Variants in VARS1 observed in about 807,000 individuals in gnomAD.
VARS1 encodes the protein valyl-tRNA synthetase 1, also known as valine--tRNA ligase.
In VARS1, 92 loss-of-function variants were observed where a neutral mutation model predicts 161.0. The ratio of observed to expected loss-of-function variants is 0.57; its 90% CI spans 0.48 to 0.68. VARS1 has a LOEUF of 0.68. VARS1 is among the 30% of genes least tolerant of loss of function. The pLI is 0.00. For missense variants in VARS1, 1,338 were observed against 1,695.9 expected (o/e 0.79, Z 3.71); for synonymous variants, 595 against 682.5 (o/e 0.87, Z 2.00).
rs545041459 is a variant in VARS1 at position 31,792,749 on chromosome 6, T to C, written c.661+8A>G. 2 of 1,614,092 alleles carry C rather than the reference T, an allele frequency of 1.2e-6. No homozygotes were observed. The highest frequency in any genetic ancestry group is 4.5e-5 in the East Asian group (2 of 44,882). On this transcript the variant is annotated splice_region_variant and intron_variant, in intron 4 of 29. Coordinates refer to ENST00000375663, the MANE Select transcript of VARS1 (RefSeq NM_006295.3). ...GCCCCTATCCTCCAACTCCTCGCCC[T>C]TCCTCACCTGGCTGATGAGAGAGAG...
Position 31,782,283 on chromosome 6 carries a change from A to G in VARS1, c.2150+2T>C. On this transcript the variant is annotated splice_donor_variant, in intron 17 of 29. Transcript: ENST00000375663. LOFTEE classifies it high-confidence loss of function. The surrounding 1 kb of genome is among the most constrained non-coding windows in gnomAD (Gnocchi z 8.3). The stretch of plus-strand genomic sequence containing the variant: ...CCCTCCCACACTGAGGACCCTACAC[A>G]CCGGATGTTGTCCATCCAGGCATGC... 1.9e-6 allele frequency: 3 copies of G among 1,612,458 alleles called. No homozygotes were observed. The highest frequency in any genetic ancestry group is 2.5e-6 in the Non-Finnish European group (3 of 1,179,502).
chr6:31,787,507 T>C (rs1171561259), intron 8 of VARS1, among the ~76,000 whole-genome samples: 1 of 152,014 alleles, frequency 6.6e-6, no homozygotes, highest in Non-Finnish European at 1.5e-5. Flanking sequence ...TAGCTGGGCG[T>C]GGTGGTGCGT....
chr6:31,777,538 T>C lies in VARS1; in HGVS notation c.*56A>G. 1 of 1,604,488 alleles carries C rather than the reference T, an allele frequency of 6.2e-7. No individual in the cohort carries two copies. The highest frequency in any genetic ancestry group is 8.5e-7 in the Non-Finnish European group (1 of 1,171,826). ...GAGGATTTTGTGGGAAAATATTTTATTGCTGCCATCCCCATGGTGAGCCGC... is the reference window on the plus strand; with the variant it reads ...GAGGATTTTGTGGGAAAATATTTTACTGCTGCCATCCCCATGGTGAGCCGC... On this transcript the variant is annotated 3_prime_UTR_variant, in exon 30 of 30. Coordinates refer to ENST00000375663, the MANE Select transcript of VARS1 (RefSeq NM_006295.3). This position sits in a 1 kb window ranked among gnomAD's most constrained non-coding sequence, Gnocchi z 5.8.
At chr6:31,794,093 CAAAAAAA>C (rs33960246) in intron 2 of VARS1, among the ~76,000 whole-genome samples, 11 of 71,162 alleles carry the variant, frequency 1.5e-4, no homozygotes, top group Non-Finnish European at 2.7e-4. Context: ...GATTCTGTCT[CAAAAAAA>C]AAAAAAAAAA....
Position 31,782,690 on chromosome 6 carries a change from A to G in VARS1, c.1887+31T>C. The G allele has an allele frequency of 6.2e-7, 1 of 1,612,884 alleles. No homozygotes were observed. The highest frequency in any genetic ancestry group is 8.5e-7 in the Non-Finnish European group (1 of 1,179,954). On this transcript the variant is annotated intron_variant, in intron 15 of 29. Coordinates refer to ENST00000375663, the MANE Select transcript of VARS1 (RefSeq NM_006295.3). The surrounding 1 kb of genome is among the most constrained non-coding windows in gnomAD (Gnocchi z 8.3). ...GCCCAGCCATCCCTCCATCTCCCTG[A>G]CCCGGGCACTCTTGCCTCAGGCAGC...
Position 31,784,670 on chromosome 6 carries a change from C to A in VARS1, c.1392G>T (p.Glu464Asp), listed in dbSNP as rs760551197. Reference protein sequence around the residue: ...AVTEAFVRLHEEGIIYRSTRL... With the variant: ...AVTEAFVRLHDEGIIYRSTRL... Reference sequence around the variant, plus strand: ...GGGTACTGCGATAGATGATGCCTTCCTCGTGAAGCCGGACAAAGGCCTCTG... The same window carrying A: ...GGGTACTGCGATAGATGATGCCTTCATCGTGAAGCCGGACAAAGGCCTCTG... The change falls in exon 11 of 30, where the codon GAG (glutamate) becomes GAT (aspartate). Residue 464 changes from glutamate (E) to aspartate (D), a missense_variant. Transcript: ENST00000375663. The surrounding 1 kb of genome is among the most constrained non-coding windows in gnomAD (Gnocchi z 6.1). 1 of 1,613,008 alleles carries A rather than the reference C, an allele frequency of 6.2e-7. No homozygotes were observed. The highest frequency in any genetic ancestry group is 1.7e-5 in the Admixed American group (1 of 60,020).
At position 31,792,609 on chromosome 6, in the gene VARS1, G is replaced by A. The variant is rs1813954384; in HGVS notation, c.662-93C>T. ...CAGATGGGGTATTTTAGATGCCCGAGGTCTTGCCCATGCTGACCTCCCCCC... is the reference window on the plus strand; with the variant it reads ...CAGATGGGGTATTTTAGATGCCCGAAGTCTTGCCCATGCTGACCTCCCCCC... On this transcript the variant is annotated intron_variant, in intron 4 of 29. Coordinates refer to ENST00000375663, the MANE Select transcript of VARS1 (RefSeq NM_006295.3). The A allele has an allele frequency of 3.1e-6, 5 of 1,600,792 alleles. No individual in the cohort carries two copies. The South Asian group carries it at 3.3e-5, about 11-fold the overall frequency.
rs1031488791 is a variant in VARS1, at chr6:31,784,224, G to A, written c.1661C>T (p.Thr554Ile). 4.3e-6 allele frequency: 7 copies of A among 1,614,148 alleles called. No individual in the cohort carries two copies. Among genetic ancestry groups the A allele is most frequent in the African/African-American group, 1.3e-5 (1 of 75,046 alleles). ...TGGACAGTCCCCCACCTGGTATCTG[G>A]TATCTTTGGGGTGCACAGCTACAGC... Reference protein sequence around the residue: ...DVAVAVHPKDTRYQHLKGKNV... With the variant: ...DVAVAVHPKDIRYQHLKGKNV... Residue 554 changes from threonine (T) to isoleucine (I), a missense_variant, in exon 13 of 30, where the codon ACC becomes ATC. Physicochemically the swap from Thr to Ile is moderately conservative, Grantham distance 89. Transcript: ENST00000375663. This position sits in a 1 kb window ranked among gnomAD's most constrained non-coding sequence, Gnocchi z 6.1.
rs1813921313 is a variant in VARS1 at position 31,792,233 on chromosome 6, TG to T, written c.854del (p.Pro285HisfsTer54). ...TCCTAGTACCTTTCTTTTCCCCGGG[TG>T]GGGTTGGGAGGTCATAGGTAATGAC... is the stretch of plus-strand genomic sequence containing the variant. ...PGVITYDLPT[P>X]PGEKKDVSGP... is the part of the protein sequence containing the mutation. On this transcript the variant is annotated frameshift_variant, in exon 6 of 30. Coordinates refer to ENST00000375663, the MANE Select transcript of VARS1 (RefSeq NM_006295.3). LOFTEE classifies it high-confidence loss of function. The T allele has an allele frequency of 6.2e-7, 1 of 1,613,738 alleles. No individual in the cohort carries two copies. Among genetic ancestry groups the T allele is most frequent in the Admixed American group, 1.7e-5 (1 of 59,988 alleles).
Position 31,784,237 on chromosome 6 carries a change from G to A in VARS1, c.1648C>T (p.His550Tyr), listed in dbSNP as rs1228649530. The change falls in exon 13 of 30, where the codon CAC becomes TAC. Residue 550 changes from histidine to tyrosine, a missense_variant. Transcript: ENST00000375663. The surrounding 1 kb of genome is among the most constrained non-coding windows in gnomAD (Gnocchi z 6.1). ...TMLGDVAVAV[H>Y]PKDTRYQHLK... ...ACCTGGTATCTGGTATCTTTGGGGT[G>A]CACAGCTACAGCCACATCTCCCAGC... is the stretch of plus-strand genomic sequence containing the variant. 7 of 1,614,048 alleles carry A rather than the reference G, an allele frequency of 4.3e-6. No individual in the cohort carries two copies. Among genetic ancestry groups the A allele is most frequent in the East Asian group, 2.2e-5 (1 of 44,894 alleles).
At position 31,782,804 on chromosome 6, in the gene VARS1, CAT is replaced by C; in HGVS notation, c.1802_1803del (p.Tyr601Ter). ...TCCAGCCCGTGCCGCTGCCCAACTT[CAT>C]AGTCATTTTGGTCATGTGCGGGGGT... ...KITPAHDQND[Y>X]EVGQRHGLEA... On this transcript the variant is annotated frameshift_variant, in exon 15 of 30. Coordinates refer to ENST00000375663, the MANE Select transcript of VARS1 (RefSeq NM_006295.3). LOFTEE classifies it high-confidence loss of function. This position sits in a 1 kb window ranked among gnomAD's most constrained non-coding sequence, Gnocchi z 8.3. 6.2e-7 allele frequency: 1 copy of C among 1,613,018 alleles called. No individual in the cohort carries two copies. The highest frequency in any genetic ancestry group is 8.5e-7 in the Non-Finnish European group (1 of 1,180,006).
chr6:31,781,880 C>A lies in VARS1; in HGVS notation c.2314G>T (p.Gly772Ter). 6.2e-7 allele frequency: 1 copy of A among 1,612,980 alleles called. No individual in the cohort carries two copies. Among genetic ancestry groups the A allele is most frequent in the Non-Finnish European group, 8.5e-7 (1 of 1,180,034 alleles). ...EAREKAAKEF[G>*]VSPDKISLQQ... ...AGACTGATCTTGTCAGGGGACACTC[C>A]GAACTCCTTGGCTGCCTTCTCCCGG... Residue 772 changes from glycine to a stop codon, truncating the protein, a stop_gained, in exon 19 of 30, where the codon GGA becomes TGA. Transcript: ENST00000375663. LOFTEE classifies it high-confidence loss of function. This position sits in a 1 kb window ranked among gnomAD's most constrained non-coding sequence, Gnocchi z 6.8.
rs1384930956 is a variant in VARS1 at position 31,780,759 on chromosome 6, G to T, written c.2743C>A (p.Pro915Thr). The stretch of plus-strand genomic sequence containing the variant: ...CGGAGAGCATCGGTGCCACATTCAG[G>T]AATCCCCGCTGGGAAGTCAGCTTTC... ...GQKADFPAGI[P>T]ECGTDALRFG... is the part of the protein sequence containing the mutation. Residue 915 changes from proline to threonine, a missense_variant, in exon 24 of 30, where the codon CCT becomes ACT. This residue lies in a region of VARS1 where 433 missense variants were observed against 586.2 expected (regional missense o/e 0.74). Coordinates refer to ENST00000375663, the MANE Select transcript of VARS1 (RefSeq NM_006295.3). The surrounding 1 kb of genome is among the most constrained non-coding windows in gnomAD (Gnocchi z 5.1). 1.2e-6 allele frequency: 2 copies of T among 1,614,190 alleles called. No homozygotes were observed. Among genetic ancestry groups the T allele is most frequent in the South Asian group, 1.1e-5 (1 of 91,082 alleles).
In VARS1 at chr6:31,779,492, C is replaced by A. The variant is rs148853234; in HGVS notation, c.3333G>T (p.Ala1111=). The A allele has an allele frequency of 1.4e-3, 2,219 of 1,612,784 alleles. 25 individuals carry two copies. The African/African-American group carries it at 0.023, about 17-fold the overall frequency. Residue 1111 remains alanine, a synonymous_variant, in exon 28 of 30, where the codon GCG becomes GCT. Transcript: ENST00000375663. This position sits in a 1 kb window ranked among gnomAD's most constrained non-coding sequence, Gnocchi z 9.1. The part of the protein sequence containing the change: ...DPEAEAALEL[A]LSITRAVRSL... ...AGCGCACGGCTCGCGTGATGCTTAG[C>A]GCCAGCTCAAGGGCGGCTTCTGCCT...
intron 8 of VARS1, among the ~76,000 whole-genome samples, chr6:31,788,514 A>C (rs1295713555): frequency 6.7e-6 from 1 of 149,244 alleles, no homozygotes; most frequent in Non-Finnish European, 1.5e-5. Context: ...AAAAAAACAA[A>C]AAAAAAAACA....
Position 31,781,812 on chromosome 6 carries a change from A to G in VARS1, c.2347+35T>C. On this transcript the variant is annotated intron_variant, in intron 19 of 29. Transcript: ENST00000375663. The surrounding 1 kb of genome is among the most constrained non-coding windows in gnomAD (Gnocchi z 6.8). ...CAGAGGGAGTGGAGCTCTGCCCCCCACAACTCCCTCCAGACCCTCAAAGCC... is the reference window on the plus strand; with the variant it reads ...CAGAGGGAGTGGAGCTCTGCCCCCCGCAACTCCCTCCAGACCCTCAAAGCC... 2 of 1,612,894 alleles carry G rather than the reference A, an allele frequency of 1.2e-6. No homozygotes were observed. The highest frequency in any genetic ancestry group is 8.5e-7 in the Non-Finnish European group (1 of 1,179,942).
intron 8 of VARS1, among the ~76,000 whole-genome samples, chr6:31,790,881 T>C (rs1384297844): frequency 6.6e-6 from 1 of 152,136 alleles, no homozygotes; most frequent in Non-Finnish European, 1.5e-5. Flanking sequence ...ATAGGAAAGA[T>C]CTGGGAAGAT....
rs759777302 is a variant in VARS1, at chr6:31,784,459, G to C, written c.1511C>G (p.Pro504Arg). ...ELTGRTLLSVPGYKEKVEFGV... is the reference protein window; with the variant it reads ...ELTGRTLLSVRGYKEKVEFGV... ...GAACTCCACCTTCTCCTTGTAGCCA[G>C]GCACGGAGAGCAGGGTGCGACCTGT... Residue 504 changes from proline to arginine, a missense_variant, in exon 12 of 30, where the codon CCT becomes CGT. Physicochemically the swap from Pro to Arg is moderately radical, Grantham distance 103. This residue lies in a region of VARS1 where 902 missense variants were observed against 1,090.3 expected (regional missense o/e 0.83). Transcript: ENST00000375663. This position sits in a 1 kb window ranked among gnomAD's most constrained non-coding sequence, Gnocchi z 6.1. The C allele has an allele frequency of 6.2e-7, 1 of 1,614,126 alleles. No homozygotes were observed.
In VARS1 at chr6:31,780,204, C is replaced by T; in HGVS notation, c.2926-51G>A. 2 of 1,605,192 alleles carry T rather than the reference C, an allele frequency of 1.2e-6. No individual in the cohort carries two copies. The highest frequency in any genetic ancestry group is 1.1e-5 in the South Asian group (1 of 90,732). Reference sequence around the variant, plus strand: ...GGCGGGCCAGGGGAGGGTGCCAGAACCCCATGGGGGCAGGAGTCATGGGCA... The same window carrying T: ...GGCGGGCCAGGGGAGGGTGCCAGAATCCCATGGGGGCAGGAGTCATGGGCA... On this transcript the variant is annotated intron_variant, in intron 25 of 29. Transcript: ENST00000375663. The surrounding 1 kb of genome is among the most constrained non-coding windows in gnomAD (Gnocchi z 5.1).
Sources: allele counts gnomAD v4.1 joint callset (sites outside exome capture counted in the v4.1 genomes callset), GRCh38; gene constraint gnomAD v4.1.1; regional missense constraint gnomAD v4.1.1; non-coding constraint Gnocchi (gnomAD v3.1); transcripts MANE v1.5; gene names NCBI Gene and HGNC (gene_info 2026-07-23, HGNC 2026-07-21).